The following CCDC32 variants were observed in gnomAD, a reference collection of about 807,000 sequenced individuals.
CCDC32 encodes coiled-coil domain-containing protein 32.
In CCDC32, 9 loss-of-function variants were observed where a neutral mutation model predicts 20.1. The observed-to-expected ratio is 0.45, with a 90% CI of 0.27 to 0.78. CCDC32 has a LOEUF of 0.78. Among genes scored for constraint, CCDC32 ranks in the 30% least tolerant of loss-of-function variants. The pLI is 0.16. For synonymous variants in CCDC32, 63 were observed against 79.0 expected (o/e 0.80, Z 1.07); for missense variants, 204 against 215.5 (o/e 0.95, Z 0.33).
chr15:40,545,721 G>T (rs1421104209), intron 3 of CCDC32, among the ~76,000 whole-genome samples: 2 of 152,046 alleles, frequency 1.3e-5, no homozygotes, highest in Non-Finnish European at 2.9e-5. Context: ...CTCCATCCTG[G>T]CACCACCACC....
intron 1 of CCDC32, among the ~76,000 whole-genome samples, chr15:40,563,806 T>C (rs1389218455): frequency 1.4e-5 from 2 of 143,696 alleles, no homozygotes; most frequent in African/African-American, 2.5e-5. Context: ...TAAATTCTGT[T>C]TTTTTTTCTT....
downstream of CCDC32, among the ~76,000 whole-genome samples, chr15:40,525,822 A>G (rs1034367046): frequency 4.6e-5 from 7 of 152,196 alleles, no homozygotes; most frequent in African/African-American, 1.4e-4. Context: ...CAAGCCTTAG[A>G]AGCCACCCAC....
At chr15:40,552,664 A>T (rs1206916667), downstream of CCDC32, among the ~76,000 whole-genome samples, 1 of 148,154 alleles carries the variant, frequency 6.7e-6, no homozygotes, top group African/African-American at 2.5e-5. Context: ...AATTCCAACT[A>T]CTCAGGAGGC....
exon 4 of CCDC32, chr15:40,528,713 CA>C: frequency 1.4e-6 from 1 of 700,292 alleles, no homozygotes; most frequent in Non-Finnish European, 2.6e-6. Context: ...GCCTTGTCCA[CA>C]AGCGAATGGG....
At chr15:40,523,985 A>G (rs866281297), downstream of CCDC32, among the ~76,000 whole-genome samples, 1 of 152,222 alleles carries the variant, frequency 6.6e-6, no homozygotes, top group Non-Finnish European at 1.5e-5. Flanking sequence ...ACAGCTGTAC[A>G]TGAATGTTCA....
downstream of CCDC32, among the ~76,000 whole-genome samples, chr15:40,551,486 C>T (rs1240091759): frequency 6.6e-6 from 1 of 151,994 alleles, no homozygotes; most frequent in Admixed American, 6.6e-5. Flanking sequence ...CCTGGATGAC[C>T]GTCAATATTC....
downstream of CCDC32, among the ~76,000 whole-genome samples, chr15:40,549,586 C>T (rs1275737036): frequency 6.6e-6 from 1 of 152,116 alleles, no homozygotes; most frequent in East Asian, 1.9e-4. Flanking sequence ...GGCTCTACTC[C>T]CCCCTCCATC....
chr15:40,554,898 C>T (rs1318102152), intron 3 of CCDC32, among the ~76,000 whole-genome samples: 2 of 152,144 alleles, frequency 1.3e-5, no homozygotes, highest in Admixed American at 1.3e-4. Flanking sequence ...AAAGTCTTAA[C>T]CCAAGAAAGA....
chr15:40,563,913 C>G (rs1566987211), intron 1 of CCDC32, among the ~76,000 whole-genome samples: 1 of 151,922 alleles, frequency 6.6e-6, no homozygotes, highest in South Asian at 2.1e-4. Context: ...CTCCGCCTCC[C>G]GGGTTCACGC....
chr15:40,534,921 A>T (rs920174601), downstream of CCDC32: 4 of 702,534 alleles, frequency 5.7e-6, no homozygotes, highest in Non-Finnish European at 7.8e-6. Context: ...TTGGAGTCAG[A>T]TGTCAGGGTC....
chr15:40,560,928 A>G (rs1273747040), intron 2 of CCDC32, among the ~76,000 whole-genome samples: 1 of 152,212 alleles, frequency 6.6e-6, no homozygotes, highest in Non-Finnish European at 1.5e-5. Flanking sequence ...CATGTTTCAT[A>G]ATTCATAATT....
At chr15:40,524,221 G>A (rs1894869572), downstream of CCDC32, among the ~76,000 whole-genome samples, 2 of 138,960 alleles carry the variant, frequency 1.4e-5, no homozygotes, top group Admixed American at 1.6e-4. Flanking sequence ...GCGATGGCGC[G>A]ATCTCGGCTC....
rs1246279624 is a variant in CCDC32, at chr15:40,553,930, G to A, written c.*41C>T. ...CGTGTGTGTGTGTGTGTGTGTGTGT[G>A]TGTGTGTGTGTGTGTGTGTGTGTGT... is the stretch of plus-strand genomic sequence containing the variant. On this transcript the variant is annotated 3_prime_UTR_variant, in exon 4 of 4. Transcript: ENST00000416810. 3 of 520,128 alleles carry A rather than the reference G, an allele frequency of 5.8e-6. No homozygotes were observed. Among genetic ancestry groups the A allele is most frequent in the South Asian group, 2.6e-5 (1 of 39,020 alleles). 32.2% of individuals were successfully genotyped at this position (520,128 alleles called of 1,614,324 possible).
At chr15:40,545,512 G>A (rs1886270967) in intron 3 of CCDC32, among the ~76,000 whole-genome samples, 1 of 152,200 alleles carries the variant, frequency 6.6e-6, no homozygotes, top group African/African-American at 2.4e-5. Flanking sequence ...GGACAGAGGA[G>A]GTGGAGAGAA....
intron 2 of CCDC32, among the ~76,000 whole-genome samples, chr15:40,561,642 C>G (rs1488181561): frequency 6.6e-6 from 1 of 152,080 alleles, no homozygotes; most frequent in African/African-American, 2.4e-5. Flanking sequence ...TCTCAGACTT[C>G]ACCACTATAC....
chr15:40,554,201 C>G, intron 3 of CCDC32, 74 bp from the exon 4 acceptor site: 1 of 1,531,100 alleles, frequency 6.5e-7, no homozygotes, highest in Non-Finnish European at 8.8e-7. Flanking sequence ...ATCTCAGTTA[C>G]TCAAACACTA....
chr15:40,534,486 G>C (rs1334834442), downstream of CCDC32: 2 of 159,764 alleles, frequency 1.3e-5, no homozygotes, highest in Admixed American at 6.2e-5. Flanking sequence ...GACTGAAGGG[G>C]GAAGCCCCTT....
At chr15:40,546,048 A>T (rs1402348383) in intron 3 of CCDC32, among the ~76,000 whole-genome samples, 1 of 151,984 alleles carries the variant, frequency 6.6e-6, no homozygotes, top group Admixed American at 6.6e-5. Flanking sequence ...TTTGTGTTTT[A>T]GTTCAGAGAA....
At chr15:40,530,014 G>A (rs747543152), downstream of CCDC32, among the ~76,000 whole-genome samples, 1 of 151,198 alleles carries the variant, frequency 6.6e-6, no homozygotes, top group South Asian at 2.1e-4. Flanking sequence ...ACCTCAGGCC[G>A]GGCGTGATGG....
Sources: allele counts gnomAD v4.1 joint callset (sites outside exome capture counted in the v4.1 genomes callset), GRCh38; gene constraint gnomAD v4.1.1; transcripts MANE v1.5; gene names NCBI Gene and HGNC (gene_info 2026-07-23, HGNC 2026-07-21).